The following CWF19L2 variants were observed in gnomAD, a reference collection of about 807,000 sequenced individuals.
CWF19L2 encodes the protein CWF19 like cell cycle control factor 2, also known as CWF19-like protein 2.
Under a neutral mutation model 111.7 loss-of-function variants are expected in CWF19L2, and 98 were observed. The ratio of observed to expected loss-of-function variants is 0.88; its 90% CI spans 0.75 to 1.04. The LOEUF (loss-of-function observed/expected upper bound fraction) is 1.04. Ranked by LOEUF, CWF19L2 falls within the 50% of genes least tolerant of loss-of-function variation. The pLI, the probability that CWF19L2 is intolerant of heterozygous loss-of-function variation, is 0.00. For missense variants in CWF19L2, 1,101 were observed against 1,051.4 expected (o/e 1.05, Z -0.65); for synonymous variants, 351 against 342.9 (o/e 1.02, Z -0.26).
At chr11:107,420,961 T>C (rs980368053) in intron 8 of CWF19L2, among the ~76,000 whole-genome samples, 2 of 151,992 alleles carry the variant, frequency 1.3e-5, no homozygotes, top group African/African-American at 2.4e-5. Flanking sequence ...TGGACATCCA[T>C]AGAACACACC....
Position 107,362,501 on chromosome 11 carries a change from A to G in CWF19L2, c.1873-8765T>C, listed in dbSNP as rs867418057. Among the ~76,000 whole-genome samples the G allele has an allele frequency of 1.6e-4, 25 of 152,264 alleles. No individual in the cohort carries two copies. In the South Asian group the frequency reaches 5.0e-3, roughly 30 times the overall value. ...TGAATACGGGCAGACTGCCTCCTCAAGTGGGTCCCTGACCCCTGACCCCCG... is the reference window on the plus strand; with the variant it reads ...TGAATACGGGCAGACTGCCTCCTCAGGTGGGTCCCTGACCCCTGACCCCCG... On this transcript the variant is annotated intron_variant, in intron 12 of 17. Coordinates refer to ENST00000282251, the MANE Select transcript of CWF19L2 (RefSeq NM_152434.3).
chr11:107,340,765 A>G (rs1302321245), intron 14 of CWF19L2, among the ~76,000 whole-genome samples: 1 of 152,202 alleles, frequency 6.6e-6, no homozygotes, highest in Non-Finnish European at 1.5e-5. Flanking sequence ...CTAGTATATT[A>G]ATTTGAGGAA....
chr11:107,373,014 C>CACG (rs1555018951), intron 12 of CWF19L2, among the ~76,000 whole-genome samples: 6,463 of 40,854 alleles, frequency 0.16, 1,468 homozygotes, highest in African/African-American at 0.24. Context: ...GGGTGACGGA[C>CACG]GCACCTGGAA....
intron 11 of CWF19L2, among the ~76,000 whole-genome samples, chr11:107,391,445 G>C (rs758157513): frequency 8.5e-5 from 13 of 152,188 alleles, no homozygotes; most frequent in African/African-American, 7.2e-5. Context: ...AGAACTGTGA[G>C]AAATAAATTT....
intron 13 of CWF19L2, 107 bp downstream of exon 13, chr11:107,353,417 A>G: frequency 1.2e-6 from 1 of 844,442 alleles, no homozygotes; most frequent in Non-Finnish European, 1.8e-6. Flanking sequence ...GGAAAGACCC[A>G]ATAAACAAGT....
At position 107,439,098 on chromosome 11, in the gene CWF19L2, A is replaced by T. The variant is rs745818426; in HGVS notation, c.656T>A (p.Ile219Asn). Residue 219 changes from isoleucine (I) to asparagine (N), a missense_variant, in exon 6 of 18, where the codon ATT becomes AAT. Coordinates refer to ENST00000282251, the MANE Select transcript of CWF19L2 (RefSeq NM_152434.3). ...LPPEDCSVSS[I>N]TKVSVVEDGG... ...TCAAAATGTAGAAATACCTTTAGTA[A>T]TCGATGACACACTACAGTCTTCAGG... 1 of 1,464,298 alleles carries T rather than the reference A, an allele frequency of 6.8e-7. No individual in the cohort carries two copies. The highest frequency in any genetic ancestry group is 1.2e-5 in the South Asian group (1 of 85,390). 90.7% of individuals were successfully genotyped at this position (1,464,298 alleles called of 1,614,324 possible).
Position 107,425,641 on chromosome 11 carries a change from G to T in CWF19L2, c.1433+3158C>A, listed in dbSNP as rs185116643. Among the ~76,000 whole-genome samples the T allele has an allele frequency of 4.6e-4, 70 of 151,970 alleles. No individual in the cohort carries two copies. The Middle Eastern group carries it at 0.014, about 30-fold the overall frequency. On this transcript the variant is annotated intron_variant, in intron 8 of 17. Transcript: ENST00000282251. ...ATTTTATTATTCTTGTGCTGGCAGT[G>T]TTCACAGATCTCCCTTATTTACCAG... is the stretch of plus-strand genomic sequence containing the variant.
At chr11:107,388,138 C>T (rs1171954877) in intron 12 of CWF19L2, among the ~76,000 whole-genome samples, 1 of 152,140 alleles carries the variant, frequency 6.6e-6, no homozygotes, top group African/African-American at 2.4e-5. Flanking sequence ...GACTTTCCCT[C>T]AGCAACACTC....
chr11:107,434,878 C>T (rs1290613034), intron 6 of CWF19L2, among the ~76,000 whole-genome samples: 1 of 151,916 alleles, frequency 6.6e-6, no homozygotes, highest in African/African-American at 2.4e-5. Context: ...ATTTTTCAAA[C>T]TGTGTGCTGA....
chr11:107,406,027 G>C (rs1861072705), intron 10 of CWF19L2, among the ~76,000 whole-genome samples: 1 of 152,086 alleles, frequency 6.6e-6, no homozygotes, highest in Non-Finnish European at 1.5e-5. Context: ...CTTCCACCAG[G>C]ATTGGAAGAA....
rs1861434293 is a variant in CWF19L2, at chr11:107,429,534, A to C, written c.781-83T>G. ...CACCCCACATGTCACTGTATGACTCACTGCCAAGTGGCACACTGAAAAGCC... is the reference window on the plus strand; with the variant it reads ...CACCCCACATGTCACTGTATGACTCCCTGCCAAGTGGCACACTGAAAAGCC... On this transcript the variant is annotated intron_variant, in intron 7 of 17. Coordinates refer to ENST00000282251, the MANE Select transcript of CWF19L2 (RefSeq NM_152434.3). 33 of 1,093,150 alleles carry C rather than the reference A, an allele frequency of 3.0e-5. 1 individual carries two copies. In the South Asian group the frequency reaches 5.7e-4, roughly 19 times the overall value. 67.7% of individuals were successfully genotyped at this position (1,093,150 alleles called of 1,614,324 possible).
intron 15 of CWF19L2, among the ~76,000 whole-genome samples, chr11:107,336,069 A>C (rs1859919024): frequency 6.6e-6 from 1 of 152,058 alleles, no homozygotes; most frequent in Admixed American, 6.5e-5. Flanking sequence ...AAAATACAAA[A>C]AATTAGCTGG....
At chr11:107,405,716 G>C (rs893442821) in intron 10 of CWF19L2, among the ~76,000 whole-genome samples, 3 of 152,022 alleles carry the variant, frequency 2.0e-5, no homozygotes, top group African/African-American at 7.2e-5. Context: ...TTTCTACTAA[G>C]AGGCAGTTCA....
At chr11:107,330,401 A>G (rs1251427013) in intron 16 of CWF19L2, among the ~76,000 whole-genome samples, 1 of 152,192 alleles carries the variant, frequency 6.6e-6, no homozygotes, top group Non-Finnish European at 1.5e-5. Context: ...GAGAACAGCA[A>G]GAGGGACCTT....
chr11:107,359,482 C>T (rs1423242641), intron 12 of CWF19L2, among the ~76,000 whole-genome samples: 1 of 152,148 alleles, frequency 6.6e-6, no homozygotes, highest in Non-Finnish European at 1.5e-5. Flanking sequence ...TGATGATCCA[C>T]AACTAGGATC....
At chr11:107,410,918 T>G (rs1053879055) in intron 10 of CWF19L2, among the ~76,000 whole-genome samples, 2 of 151,964 alleles carry the variant, frequency 1.3e-5, no homozygotes, top group Non-Finnish European at 2.9e-5. Flanking sequence ...CTTTAGGAGG[T>G]GTATGAAATA....
intron 1 of CWF19L2, 45 bp from the exon 2 acceptor site, chr11:107,455,821 C>G: frequency 8.4e-7 from 1 of 1,195,308 alleles, no homozygotes; most frequent in Non-Finnish European, 1.2e-6. Flanking sequence ...ATTGACCCAA[C>G]TGGGTTTCAC....
chr11:107,392,818 T>A lies in CWF19L2; in HGVS notation c.1695A>T (p.Lys565Asn). ...TTCTTCCTCCTTGTGATTCCAGAGA[T>A]TTTCCGGGTGTGTTCACAGGCCATA... is the stretch of plus-strand genomic sequence containing the variant. The part of the protein sequence containing the change: ...GRVWPVNTPG[K>N]SLESQGGRRK... The change falls in exon 11 of 18, where the codon AAA becomes AAT. Residue 565 changes from lysine (K) to asparagine (N), a missense_variant. Coordinates refer to ENST00000282251, the MANE Select transcript of CWF19L2 (RefSeq NM_152434.3). 6.3e-7 allele frequency: 1 copy of A among 1,596,242 alleles called. No individual in the cohort carries two copies. The highest frequency in any genetic ancestry group is 2.3e-5 in the East Asian group (1 of 43,292).
chr11:107,373,440 C>G lies in CWF19L2; in HGVS notation c.1872+16634G>C, dbSNP rs1376329635. 2.2e-5 allele frequency among the ~76,000 whole-genome samples: 3 copies of G among 134,938 alleles called. 1 individual carries two copies. Among genetic ancestry groups the G allele is most frequent in the Non-Finnish European group, 4.7e-5 (3 of 63,224 alleles). The allele number at this position is 134,938 out of a possible 152,430, so 88.5% of individuals were successfully genotyped here. A position where few individuals can be genotyped will look rare whatever the true frequency, so the allele number is the denominator to read the frequency against. On this transcript the variant is annotated intron_variant, in intron 12 of 17. Coordinates refer to ENST00000282251, the MANE Select transcript of CWF19L2 (RefSeq NM_152434.3). The stretch of plus-strand genomic sequence containing the variant: ...TGAAGATCTGAGAACGGGCAGACTG[C>G]CTCCTCAAGTGGGTCCCTGACCCCT...
Sources: gnomAD v4.1 joint callset for allele counts (sites outside exome capture counted in the v4.1 genomes callset) on GRCh38, gnomAD v4.1.1 for gene constraint, MANE v1.5 for transcripts, NCBI Gene and HGNC (gene_info 2026-07-23, HGNC 2026-07-21) for gene names.